SLC28A3: variants seen among roughly 807,000 people sequenced by gnomAD.
SLC28A3 encodes the protein concentrative Na(+)-nucleoside cotransporter 3.
A neutral mutation model predicts 84.2 loss-of-function variants in SLC28A3; 68 were observed. The ratio of observed to expected loss-of-function variants is 0.81; its 90% CI spans 0.66 to 0.99. The LOEUF is 0.99. SLC28A3 is among the 50% of genes least tolerant of loss of function. The probability of loss-of-function intolerance (pLI) is 0.00; values close to 1 mark genes in which losing one functional copy is unlikely to be tolerated. For missense variants in SLC28A3, 712 were observed against 841.5 expected (o/e 0.85, Z 1.90); for synonymous variants, 267 against 303.6 (o/e 0.88, Z 1.25).
the SLC28A3 span, among the ~76,000 whole-genome samples, chr9:84,350,301 G>T: frequency 6.6e-6 from 1 of 152,132 alleles, no homozygotes; most frequent in Non-Finnish European, 1.5e-5. Context: ...AATTAGCCGG[G>T]TGTGGTGGTG....
At chr9:84,335,167 A>G (rs764609683) in intron 1 of SLC28A3, among the ~76,000 whole-genome samples, 26 of 152,150 alleles carry the variant, frequency 1.7e-4, no homozygotes, top group Non-Finnish European at 3.7e-4. Context: ...AGATGCCTGG[A>G]GTCAACTTAA....
the SLC28A3 span, among the ~76,000 whole-genome samples, chr9:84,361,641 G>A: frequency 1.3e-5 from 2 of 152,042 alleles, no homozygotes; most frequent in African/African-American, 2.4e-5. Flanking sequence ...CTGCCTGGGC[G>A]TGATAAACCT....
chr9:84,320,170 C>T (rs1310061410), intron 1 of SLC28A3, among the ~76,000 whole-genome samples: 1 of 149,296 alleles, frequency 6.7e-6, no homozygotes, highest in African/African-American at 2.5e-5. Context: ...ATACCTCAGT[C>T]TCCTGAGTAG....
intron 1 of SLC28A3, among the ~76,000 whole-genome samples, chr9:84,338,745 C>T (rs1178978766): frequency 6.6e-6 from 1 of 152,162 alleles, no homozygotes; most frequent in Admixed American, 6.6e-5. Context: ...CCTTTCCATT[C>T]TCTGGAATCA....
rs1314341405 is a variant in SLC28A3 at position 84,280,032 on chromosome 9, C to T, written c.1771G>A (p.Ala591Thr). Residue 591 changes from alanine to threonine, a missense_variant, in exon 16 of 18, where the codon GCA becomes ACA. Physicochemically the swap from Ala to Thr is moderately conservative, Grantham distance 58. Coordinates refer to ENST00000376238, the MANE Select transcript of SLC28A3 (RefSeq NM_001199633.2). ...PSRKRDIASG[A>T]VRALIAGTVA... Reference sequence around the variant, plus strand: ...GTCCCCGCAATCAGAGCTCTCACTGCCCCCGAGGCGATATCACGCTTTCTG... The same window carrying T: ...GTCCCCGCAATCAGAGCTCTCACTGTCCCCGAGGCGATATCACGCTTTCTG... 3 of 1,613,942 alleles carry T rather than the reference C, an allele frequency of 1.9e-6. No homozygotes were observed. The highest frequency in any genetic ancestry group is 8.5e-7 in the Non-Finnish European group (1 of 1,180,008).
chr9:84,366,827 G>A, the SLC28A3 span, among the ~76,000 whole-genome samples: 1 of 152,218 alleles, frequency 6.6e-6, no homozygotes, highest in Non-Finnish European at 1.5e-5. Context: ...TGACTGTGCT[G>A]GGTCAGCCCT....
At chr9:84,313,636 T>C (rs573431743) in intron 1 of SLC28A3, among the ~76,000 whole-genome samples, 182 bp from the exon 2 acceptor site, 1 of 152,052 alleles carries the variant, frequency 6.6e-6, no homozygotes, top group Non-Finnish European at 1.5e-5. Context: ...GATGATCGGC[T>C]GGGCACAGTG....
In SLC28A3 at chr9:84,278,181, T is replaced by A; in HGVS notation, c.*37A>T. The stretch of plus-strand genomic sequence containing the variant: ...TCTTTCCAAAGCAGAAAATTCAGCA[T>A]CTGTACTTCAGAGTTCCACTGGAGA... On this transcript the variant is annotated 3_prime_UTR_variant, in exon 18 of 18. Coordinates refer to ENST00000376238, the MANE Select transcript of SLC28A3 (RefSeq NM_001199633.2). The A allele has an allele frequency of 6.3e-7, 1 of 1,592,050 alleles. No homozygotes were observed.
upstream of SLC28A3, among the ~76,000 whole-genome samples, chr9:84,344,314 G>A (rs940967850): frequency 2.7e-5 from 4 of 148,708 alleles, no homozygotes; most frequent in East Asian, 2.0e-4. Context: ...TCAGTCTCCC[G>A]AGTAGCTGAG....
At chr9:84,320,225 T>C (rs1035178634) in intron 1 of SLC28A3, among the ~76,000 whole-genome samples, 1 of 151,400 alleles carries the variant, frequency 6.6e-6, no homozygotes, top group African/African-American at 2.4e-5. Context: ...CATTTTTTTT[T>C]TGTATTTTTA....
chr9:84,348,041 G>A, the SLC28A3 span, among the ~76,000 whole-genome samples: 7 of 152,110 alleles, frequency 4.6e-5, no homozygotes, highest in African/African-American at 1.4e-4. Context: ...AAATTTAAGG[G>A]GGCACTCTCT....
the SLC28A3 span, among the ~76,000 whole-genome samples, chr9:84,361,618 G>T: frequency 6.6e-6 from 1 of 152,088 alleles, no homozygotes; most frequent in Non-Finnish European, 1.5e-5. Flanking sequence ...TTTGTCCCCT[G>T]TGAGGATGCG....
chr9:84,296,164 A>G (rs1825405971), intron 8 of SLC28A3, among the ~76,000 whole-genome samples: 1 of 152,142 alleles, frequency 6.6e-6, no homozygotes, highest in South Asian at 2.1e-4. Flanking sequence ...TCATGATATG[A>G]GTATATTTCT....
At chr9:84,346,766 G>A in the SLC28A3 span, among the ~76,000 whole-genome samples, 1 of 152,100 alleles carries the variant, frequency 6.6e-6, no homozygotes, top group African/African-American at 2.4e-5. Flanking sequence ...CTATATACCA[G>A]GAAAGGCCAG....
Position 84,340,605 on chromosome 9 carries a change from C to T in SLC28A3, c.29G>A (p.Arg10Lys). 1 of 1,614,194 alleles carries T rather than the reference C, an allele frequency of 6.2e-7. No individual in the cohort carries two copies. The highest frequency in any genetic ancestry group is 8.5e-7 in the Non-Finnish European group (1 of 1,180,024). The change falls in exon 1 of 18, where the codon AGA becomes AAA. Residue 10 changes from arginine to lysine, a missense_variant. By Grantham distance (26) the Arg-to-Lys change is conservative (BLOSUM62 2). Coordinates refer to ENST00000376238, the MANE Select transcript of SLC28A3 (RefSeq NM_001199633.2). Reference sequence around the variant, plus strand: ...GCCCACGTTGCTGTAGCCCTCAGCTCTGGGGGCTGCTGTACTCCTCAGCTC... The same window carrying T: ...GCCCACGTTGCTGTAGCCCTCAGCTTTGGGGGCTGCTGTACTCCTCAGCTC... MELRSTAAPRAEGYSNVGFQ... is the reference protein window; with the variant it reads MELRSTAAPKAEGYSNVGFQ...
At chr9:84,337,450 G>A (rs1341610588) in intron 1 of SLC28A3, among the ~76,000 whole-genome samples, 3 of 151,340 alleles carry the variant, frequency 2.0e-5, no homozygotes, top group Admixed American at 6.6e-5. Flanking sequence ...GTGCGCGCGC[G>A]TGTGTGTATG....
the SLC28A3 span, among the ~76,000 whole-genome samples, chr9:84,359,348 A>G: frequency 6.6e-6 from 1 of 152,232 alleles, no homozygotes. Flanking sequence ...AAATACACAA[A>G]TCCTAAACAC....
intron 13 of SLC28A3, among the ~76,000 whole-genome samples, 160 bp downstream of exon 13, chr9:84,285,783 G>A (rs540564254): frequency 3.7e-4 from 56 of 152,320 alleles, no homozygotes; most frequent in African/African-American, 1.3e-3. Flanking sequence ...GGGGATAGGA[G>A]ACAGAGAAAA....
In SLC28A3 at chr9:84,280,086, G is replaced by T. The variant is rs891975617; in HGVS notation, c.1730-13C>A. ...GGAGCCATGGATGCTGGGAAACATGGAAGGAGGGATGTGAGATCAATGTTG... is the reference window on the plus strand; with the variant it reads ...GGAGCCATGGATGCTGGGAAACATGTAAGGAGGGATGTGAGATCAATGTTG... On this transcript the variant is annotated splice_polypyrimidine_tract_variant and intron_variant, in intron 15 of 17. Coordinates refer to ENST00000376238, the MANE Select transcript of SLC28A3 (RefSeq NM_001199633.2). 1.4e-5 allele frequency: 23 copies of T among 1,612,192 alleles called. No individual in the cohort carries two copies. The African/African-American group carries it at 2.5e-4, about 18-fold the overall frequency.
Sources: gnomAD v4.1 joint callset for allele counts (sites outside exome capture counted in the v4.1 genomes callset) on GRCh38, gnomAD v4.1.1 for gene constraint, MANE v1.5 for transcripts, NCBI Gene and HGNC (gene_info 2026-07-23, HGNC 2026-07-21) for gene names.